RPA1: variants seen among roughly 807,000 people sequenced by gnomAD.
The protein encoded by RPA1 is replication protein A1, also known as replication protein A 70 kDa DNA-binding subunit.
A neutral mutation model predicts 83.0 loss-of-function variants in RPA1; 49 were observed. The ratio of observed to expected loss-of-function variants is 0.59; its 90% CI spans 0.47 to 0.75. RPA1 has a LOEUF of 0.75. Among genes scored for constraint, RPA1 ranks in the 30% least tolerant of loss-of-function variants. The pLI is 0.00. For synonymous variants in RPA1, 279 were observed against 281.8 expected (o/e 0.99, Z 0.10); for missense variants, 693 against 776.1 (o/e 0.89, Z 1.27).
At chr17:1,887,628 C>T (rs1914042119) in intron 13 of RPA1, among the ~76,000 whole-genome samples, 1 of 151,484 alleles carries the variant, frequency 6.6e-6, no homozygotes, top group African/African-American at 2.4e-5. Flanking sequence ...TGGCTTACTC[C>T]TATAATCCTA....
At chr17:1,847,355 T>C (rs530593154) in intron 4 of RPA1, among the ~76,000 whole-genome samples, 1 of 152,318 alleles carries the variant, frequency 6.6e-6, no homozygotes, top group South Asian at 2.1e-4. Flanking sequence ...GGCATGGTTG[T>C]GGGAGAGGGT....
At chr17:1,835,872 C>G (rs1280708302) in intron 1 of RPA1, among the ~76,000 whole-genome samples, 1 of 152,110 alleles carries the variant, frequency 6.6e-6, no homozygotes, top group Non-Finnish European at 1.5e-5. Flanking sequence ...TGTGTACTCT[C>G]AGCACTTGGG....
chr17:1,838,388 G>A (rs1911904381), intron 1 of RPA1, among the ~76,000 whole-genome samples: 1 of 151,646 alleles, frequency 6.6e-6, no homozygotes, highest in Non-Finnish European at 1.5e-5. Flanking sequence ...CAGAACACCT[G>A]AGGTCAGGAG....
rs1914202230 is a variant in RPA1 at position 1,891,520 on chromosome 17, A to AGTGATTCTCCCGCCTCCCGGGTTCAG, written c.1552-297_1552-296insCCGGGTTCAGGTGATTCTCCCGCCTC. 1.6e-5 allele frequency: 3 copies of AGTGATTCTCCCGCCTCCCGGGTTCAG among 185,736 alleles called. No individual in the cohort carries two copies. The South Asian group carries it at 3.8e-4, about 23-fold the overall frequency. The allele number at this position is 185,736 out of a possible 1,614,324, so 11.5% of individuals were successfully genotyped here. A position where few individuals can be genotyped will look rare whatever the true frequency, so the allele number is the denominator to read the frequency against. On this transcript the variant is annotated intron_variant, in intron 14 of 16. Coordinates refer to ENST00000254719, the MANE Select transcript of RPA1 (RefSeq NM_002945.5). Reference sequence around the variant, plus strand: ...CTGCAACCTCCGCCTCCCGGGTTCAAGTGATTCTCCCGCCTCAGCCTCCTG... The same window carrying AGTGATTCTCCCGCCTCCCGGGTTCAG: ...CTGCAACCTCCGCCTCCCGGGTTCAAGTGATTCTCCCGCCTCCCGGGTTCAGGTGATTCTCCCGCCTCAGCCTCCTG...
intron 5 of RPA1, among the ~76,000 whole-genome samples, chr17:1,866,242 A>C (rs1327660386): frequency 6.6e-6 from 1 of 152,110 alleles, no homozygotes; most frequent in African/African-American, 2.4e-5. Context: ...ACTCCATCTC[A>C]AAAAACAACA....
At chr17:1,832,860 TTAA>T (rs994753119) in intron 1 of RPA1, among the ~76,000 whole-genome samples, 50 of 152,344 alleles carry the variant, frequency 3.3e-4, no homozygotes, top group African/African-American at 1.2e-3. Context: ...ATGTTACCTA[TTAA>T]TAATTGCAGT....
intron 5 of RPA1, among the ~76,000 whole-genome samples, chr17:1,861,412 TG>T (rs1222861646): frequency 5.3e-5 from 8 of 152,014 alleles, no homozygotes; most frequent in African/African-American, 1.7e-4. Flanking sequence ...CCCTTTCTGG[TG>T]GGGGGAGGGG....
In RPA1 at chr17:1,891,825, T is replaced by G. The variant is rs1365344829; in HGVS notation, c.1552-8T>G. On this transcript the variant is annotated splice_polypyrimidine_tract_variant and splice_region_variant and intron_variant, in intron 14 of 16. Transcript: ENST00000254719. ...TTTGCTGAAATAATGTAGAATTGTG[T>G]TTTTTAGGTAAATATTGCAGATTTT... 1.7e-5 allele frequency: 27 copies of G among 1,543,098 alleles called. No individual in the cohort carries two copies. The highest frequency in any genetic ancestry group is 2.3e-5 in the Non-Finnish European group (26 of 1,122,292).
At chr17:1,872,712 T>C (rs1406260175) in intron 6 of RPA1, among the ~76,000 whole-genome samples, 186 bp downstream of exon 6, 1 of 148,498 alleles carries the variant, frequency 6.7e-6, no homozygotes, top group Non-Finnish European at 1.5e-5. Flanking sequence ...GATTGTCTTT[T>C]TTTTTTTTTT....
At chr17:1,842,223 C>CT (rs1912076506) in intron 1 of RPA1, among the ~76,000 whole-genome samples, 1 of 151,754 alleles carries the variant, frequency 6.6e-6, no homozygotes, top group South Asian at 2.1e-4. Flanking sequence ...AAAGTATTGT[C>CT]TTTTCTATTT....
rs561398794 is a variant in RPA1 at position 1,853,324 on chromosome 17, A to T, written c.361+135A>T. 6.3e-4 allele frequency: 423 copies of T among 672,934 alleles called. 2 individuals carry two copies. The South Asian group carries it at 6.6e-3, about 11-fold the overall frequency. The allele number at this position is 672,934 out of a possible 1,614,324, so 41.7% of individuals were successfully genotyped here. A position where few individuals can be genotyped will look rare whatever the true frequency, so the allele number is the denominator to read the frequency against. ...GATTCTGAGGTCTAGGAACCAGGCTATTCTGTCAGGCTTTTTCAGTTCTAA... is the reference window on the plus strand; with the variant it reads ...GATTCTGAGGTCTAGGAACCAGGCTTTTCTGTCAGGCTTTTTCAGTTCTAA... On this transcript the variant is annotated intron_variant, in intron 5 of 16. Transcript: ENST00000254719.
At chr17:1,894,304 T>C (rs929780651) in intron 15 of RPA1, among the ~76,000 whole-genome samples, 2 of 151,964 alleles carry the variant, frequency 1.3e-5, no homozygotes, top group African/African-American at 4.8e-5. Flanking sequence ...GTACCTGGGA[T>C]TACAGGCACC....
rs1448462638 is a variant in RPA1 at position 1,843,970 on chromosome 17, C to T, written c.135C>T (p.Leu45=). The change falls in exon 3 of 17, where the codon CTC becomes CTT. Residue 45 remains leucine (L), a synonymous_variant. Coordinates refer to ENST00000254719, the MANE Select transcript of RPA1 (RefSeq NM_002945.5). The part of the protein sequence containing the change: ...TGNSPPRYRL[L]MSDGLNTLSS... ...ATAGTCCGCCGCGTTATCGACTGCT[C>T]ATGAGTGATGGATTGAACACTCTAT... is the stretch of plus-strand genomic sequence containing the variant. The T allele has an allele frequency of 5.0e-6, 8 of 1,613,788 alleles. No homozygotes were observed. The highest frequency in any genetic ancestry group is 2.2e-5 in the East Asian group (1 of 44,890).
At position 1,898,557 on chromosome 17, in the gene RPA1, A is replaced by G. The variant is rs911551892; in HGVS notation, c.*1382A>G. The G allele has an allele frequency of 6.6e-6, 1 of 152,184 alleles. No individual in the cohort carries two copies. The highest frequency in any genetic ancestry group is 2.4e-5 in the African/African-American group (1 of 41,446). The allele number at this position is 152,184 out of a possible 1,614,324, so 9.4% of individuals were successfully genotyped here. ...TCTGCAGCCAGAGGACCTGCTGTTC[A>G]TCACTGCACATGCCGCCTGCGGAGG... On this transcript the variant is annotated 3_prime_UTR_variant, in exon 17 of 17. Transcript: ENST00000254719.
At chr17:1,858,196 A>G in intron 5 of RPA1, 6 of 1,614,010 alleles carry the variant, frequency 3.7e-6, no homozygotes, top group Admixed American at 1.7e-5. Flanking sequence ...GACGAGTGCA[A>G]ACTTAGCTGT....
chr17:1,861,869 C>T (rs1451213309), intron 5 of RPA1, among the ~76,000 whole-genome samples: 4 of 151,914 alleles, frequency 2.6e-5, no homozygotes, highest in African/African-American at 7.3e-5. Context: ...GGATTACAGG[C>T]GTGCACCACT....
intron 16 of RPA1, 115 bp downstream of exon 16, chr17:1,895,210 G>A (rs1914359376): frequency 1.4e-6 from 1 of 730,842 alleles, no homozygotes; most frequent in Non-Finnish European, 2.2e-6. Flanking sequence ...AGACCCCGGT[G>A]CTGACTTTGC....
At chr17:1,864,132 C>T (rs553360390) in intron 5 of RPA1, among the ~76,000 whole-genome samples, 1 of 152,234 alleles carries the variant, frequency 6.6e-6, no homozygotes, top group Non-Finnish European at 1.5e-5. Context: ...TATGTTTGAA[C>T]TCAGAGAAGG....
At chr17:1,844,763 G>A (rs1912195892) in intron 4 of RPA1, 77 bp downstream of exon 4, 1 of 1,093,278 alleles carries the variant, frequency 9.1e-7, no homozygotes, top group Non-Finnish European at 1.3e-6. Flanking sequence ...GCAATAGTGA[G>A]TTTTCAGCTA....
Sources: gnomAD v4.1 joint callset for allele counts (sites outside exome capture counted in the v4.1 genomes callset) on GRCh38, gnomAD v4.1.1 for gene constraint, MANE v1.5 for transcripts, NCBI Gene and HGNC (gene_info 2026-07-23, HGNC 2026-07-21) for gene names.